Variants in TRAK2 observed in about 807,000 individuals in gnomAD.
TRAK2 encodes trafficking kinesin-binding protein 2.
A neutral mutation model predicts 104.6 loss-of-function variants in TRAK2; 81 were observed. The ratio of observed to expected loss-of-function variants is 0.77; its 90% CI spans 0.65 to 0.93. The LOEUF is 0.93. TRAK2 is among the 40% of genes least tolerant of loss of function. TRAK2 has a pLI of 0.00. For missense variants in TRAK2, 1,002 were observed against 1,089.0 expected, an observed-to-expected ratio of 0.92 and a Z score of 1.12; for synonymous variants, 406 against 394.4, an observed-to-expected ratio of 1.03 and a Z score of -0.35.
At chr2:201,391,713 G>T (rs935477745) in intron 10 of TRAK2, among the ~76,000 whole-genome samples, 1 of 152,112 alleles carries the variant, frequency 6.6e-6, no homozygotes, top group Admixed American at 6.6e-5. Context: ...CCTGCAATGG[G>T]CTAAACAGAC....
At chr2:201,427,924 T>C (rs1951804700) in intron 1 of TRAK2, among the ~76,000 whole-genome samples, 1 of 152,356 alleles carries the variant, frequency 6.6e-6, no homozygotes, top group Admixed American at 6.5e-5. Context: ...CCAGTGATGA[T>C]GAACATTTTT....
At chr2:201,405,489 A>C (rs1419297444) in intron 3 of TRAK2, among the ~76,000 whole-genome samples, 1 of 152,220 alleles carries the variant, frequency 6.6e-6, no homozygotes, top group African/African-American at 2.4e-5. Context: ...AAACACAGGC[A>C]GCTATGACTG....
intron 2 of TRAK2, chr2:201,411,371 TG>T: frequency 1.4e-6 from 1 of 736,356 alleles, no homozygotes; most frequent in Admixed American, 1.8e-5. Flanking sequence ...TCAGAAGGTC[TG>T]CTCCAATGTG....
chr2:201,410,461 G>A, intron 2 of TRAK2: 1 of 647,806 alleles, frequency 1.5e-6, no homozygotes, highest in South Asian at 1.8e-5. Flanking sequence ...TCCCATAGAA[G>A]TAGTTCCTCC....
chr2:201,441,731 G>A (rs977229771), intron 1 of TRAK2, among the ~76,000 whole-genome samples: 1 of 142,374 alleles, frequency 7.0e-6, no homozygotes, highest in Non-Finnish European at 1.5e-5. Context: ...TTGCTCTGTC[G>A]ACCAGGCAGG....
intron 14 of TRAK2, among the ~76,000 whole-genome samples, chr2:201,384,675 G>A (rs1951372500): frequency 6.6e-6 from 1 of 152,158 alleles, no homozygotes; most frequent in Non-Finnish European, 1.5e-5. Context: ...CAAAATTGAT[G>A]GCTCCTCAGC....
Position 201,410,458 on chromosome 2 carries a change from G to A in TRAK2, c.92-2861C>T, listed in dbSNP as rs188773243. 162 of 639,846 alleles carry A rather than the reference G, an allele frequency of 2.5e-4. No homozygotes were observed. In the East Asian group the frequency reaches 4.3e-3, roughly 17 times the overall value. The allele number at this position is 639,846 out of a possible 1,614,324, so 39.6% of individuals were successfully genotyped here. On this transcript the variant is annotated intron_variant, in intron 2 of 15. Transcript: ENST00000332624. The stretch of plus-strand genomic sequence containing the variant: ...TCACAGAACCATTCACTGTCCCATA[G>A]AAGTAGTTCCTCCAAGCCAACTACA...
In TRAK2 at chr2:201,392,925, T is replaced by G. The variant is rs1238512550; in HGVS notation, c.1097A>C (p.Tyr366Ser). Residue 366 changes from tyrosine to serine, a missense_variant, in exon 10 of 16, where the codon TAT becomes TCT. Coordinates refer to ENST00000332624, the MANE Select transcript of TRAK2 (RefSeq NM_015049.3). ...GTTGCTTACCCCAGTAAAAGCTCCA[T>G]ATGATTGGGAGAAGTAGAGATGAGC... ...PTAHLYFSQS[Y>S]GAFTGESLAA... 6.2e-7 allele frequency: 1 copy of G among 1,612,132 alleles called. No individual in the cohort carries two copies. Among genetic ancestry groups the G allele is most frequent in the South Asian group, 1.1e-5 (1 of 90,838 alleles).
chr2:201,408,993 G>T (rs1261331292), intron 2 of TRAK2, among the ~76,000 whole-genome samples: 1 of 152,080 alleles, frequency 6.6e-6, no homozygotes, highest in Non-Finnish European at 1.5e-5. Flanking sequence ...AAGGAAATCG[G>T]AAAGGGGAGG....
intron 2 of TRAK2, among the ~76,000 whole-genome samples, chr2:201,416,727 T>A (rs1160903091): frequency 2.0e-5 from 3 of 151,986 alleles, no homozygotes; most frequent in Admixed American, 6.6e-5. Flanking sequence ...GTTTTAAGAG[T>A]GTCACTTTAT....
chr2:201,445,440 G>A (rs1372171670), intron 1 of TRAK2, among the ~76,000 whole-genome samples: 1 of 152,102 alleles, frequency 6.6e-6, no homozygotes, highest in Non-Finnish European at 1.5e-5. Flanking sequence ...GCTCCAAAAG[G>A]GACAGCTCTA....
At chr2:201,393,770 C>A (rs1291122539) in intron 9 of TRAK2, among the ~76,000 whole-genome samples, 2 of 152,162 alleles carry the variant, frequency 1.3e-5, no homozygotes, top group Non-Finnish European at 2.9e-5. Context: ...CTCCCTCCTA[C>A]AAGATATCAC....
intron 1 of TRAK2, among the ~76,000 whole-genome samples, chr2:201,425,691 G>A (rs542661664): frequency 4.0e-5 from 6 of 151,028 alleles, no homozygotes; most frequent in Non-Finnish European, 7.4e-5. Context: ...ATGAGCCACC[G>A]TGCCCCACTC....
intron 15 of TRAK2, 147 bp from the exon 16 acceptor site, chr2:201,381,365 A>G: frequency 1.5e-6 from 1 of 675,282 alleles, no homozygotes; most frequent in Non-Finnish European, 2.4e-6. Flanking sequence ...GCTGTGGAAC[A>G]GATCTGGGGA....
At chr2:201,400,626 C>A (rs995500460) in intron 4 of TRAK2, among the ~76,000 whole-genome samples, 17 of 151,844 alleles carry the variant, frequency 1.1e-4, no homozygotes, top group Non-Finnish European at 1.5e-5. Flanking sequence ...ACAGCCCAAA[C>A]TAAAAGTAAA....
At chr2:201,437,942 T>C (rs1451906266) in intron 1 of TRAK2, among the ~76,000 whole-genome samples, 1 of 152,254 alleles carries the variant, frequency 6.6e-6, no homozygotes, top group Non-Finnish European at 1.5e-5. Flanking sequence ...CCCAAATATG[T>C]AGTCCACTTG....
chr2:201,390,518 C>T (rs1159849351), intron 10 of TRAK2, among the ~76,000 whole-genome samples: 1 of 144,166 alleles, frequency 6.9e-6, no homozygotes, highest in African/African-American at 2.6e-5. Flanking sequence ...GAGCTGAGAT[C>T]GCACCACTGC....
Position 201,407,416 on chromosome 2 carries a change from A to C in TRAK2, c.273T>G (p.Thr91=), listed in dbSNP as rs1217208814. The C allele has an allele frequency of 6.2e-7, 1 of 1,613,420 alleles. No homozygotes were observed. The highest frequency in any genetic ancestry group is 1.1e-5 in the South Asian group (1 of 90,900). ...DALSPVLAEE[T]FRYMILGTDR... is the part of the protein sequence containing the mutation. ...AAAAATACTCACTCATGTAACGGAA[A>C]GTCTCTTCAGCAAGGACTGGAGAGA... The change falls in exon 3 of 16, where the codon ACT becomes ACG. Residue 91 remains threonine (T), a synonymous_variant. Transcript: ENST00000332624.
At chr2:201,449,554 G>T (rs898546270) in intron 1 of TRAK2, among the ~76,000 whole-genome samples, 2 of 143,500 alleles carry the variant, frequency 1.4e-5, no homozygotes, top group African/African-American at 2.6e-5. Flanking sequence ...GCTCGATCTT[G>T]GCTCACCGCA....
Sources: gnomAD v4.1 joint callset for allele counts (sites outside exome capture counted in the v4.1 genomes callset) on GRCh38, gnomAD v4.1.1 for gene constraint, MANE v1.5 for transcripts, NCBI Gene and HGNC (gene_info 2026-07-23, HGNC 2026-07-21) for gene names.